Variants in STPG2 observed in about 807,000 individuals in gnomAD.
The protein encoded by STPG2 is sperm tail PG-rich repeat containing 2.
In STPG2, 56 loss-of-function variants were observed where a neutral mutation model predicts 54.2. The ratio of observed to expected loss-of-function variants is 1.03; its 90% CI spans 0.83 to 1.29. STPG2 has a LOEUF of 1.29. STPG2 is among the 50% of genes most tolerant of loss of function. STPG2 has a pLI of 0.00. For synonymous variants in STPG2, 200 were observed against 181.8 expected (o/e 1.10, Z -0.81); for missense variants, 596 against 544.9 (o/e 1.09, Z -0.93).
At chr4:97,661,700 CATATTA>C (rs1325735292) in intron 10 of STPG2, among the ~76,000 whole-genome samples, 1 of 149,726 alleles carries the variant, frequency 6.7e-6, no homozygotes, top group Non-Finnish European at 1.5e-5. Flanking sequence ...AAAGAAAAGT[CATATTA>C]ATAGGGGAGA....
chr4:97,724,562 T>C (rs1724558603), intron 9 of STPG2, among the ~76,000 whole-genome samples: 1 of 152,234 alleles, frequency 6.6e-6, no homozygotes, highest in South Asian at 2.1e-4. Context: ...TAAGTCATTC[T>C]CTATCCAGCA....
intron 4 of STPG2, among the ~76,000 whole-genome samples, chr4:97,456,798 A>C (rs1213653520): frequency 6.7e-6 from 1 of 148,726 alleles, no homozygotes; most frequent in East Asian, 2.0e-4. Flanking sequence ...CAGGAGGCTG[A>C]GGCAGGAGAA....
chr4:97,965,652 T>G lies in STPG2; in HGVS notation c.933+6628A>C, dbSNP rs185669861. Among the ~76,000 whole-genome samples, 227 of 152,276 alleles carry G rather than the reference T, an allele frequency of 1.5e-3. 2 individuals are homozygous for G. The highest frequency in any genetic ancestry group is 2.6e-3 in the Admixed American group (40 of 15,294). Reference sequence around the variant, plus strand: ...TGGGACGAAGCTTCCAGAAAAAGGATAAGGCAGCAATATTTGTTATTCTGC... The same window carrying G: ...TGGGACGAAGCTTCCAGAAAAAGGAGAAGGCAGCAATATTTGTTATTCTGC... On this transcript the variant is annotated intron_variant, in intron 7 of 10. Coordinates refer to ENST00000295268, the MANE Select transcript of STPG2 (RefSeq NM_174952.3).
chr4:97,559,144 G>C (rs1391802722), intron 10 of STPG2, 27 bp from the exon 11 acceptor site: 1 of 1,448,662 alleles, frequency 6.9e-7, no homozygotes, highest in Admixed American at 2.1e-5. Context: ...AGAAAAAAAG[G>C]AGGAAAACAT....
At chr4:97,719,407 G>A (rs1026336402) in intron 9 of STPG2, among the ~76,000 whole-genome samples, 1 of 151,900 alleles carries the variant, frequency 6.6e-6, no homozygotes, top group Non-Finnish European at 1.5e-5. Flanking sequence ...CCCAATTAGT[G>A]TAAAAATGAA....
intron 9 of STPG2, among the ~76,000 whole-genome samples, chr4:97,816,276 A>G (rs1225699937): frequency 1.3e-5 from 2 of 152,116 alleles, no homozygotes; most frequent in African/African-American, 4.8e-5. Context: ...TATCCAATCT[A>G]TCATTGATAG....
At chr4:97,678,070 A>G (rs1722908875) in intron 10 of STPG2, among the ~76,000 whole-genome samples, 1 of 152,116 alleles carries the variant, frequency 6.6e-6, no homozygotes, top group Non-Finnish European at 1.5e-5. Context: ...GTTAGTAATT[A>G]TATGTGTGAA....
At chr4:97,945,875 A>G (rs960505741) in intron 7 of STPG2, among the ~76,000 whole-genome samples, 1 of 152,112 alleles carries the variant, frequency 6.6e-6, no homozygotes, top group African/African-American at 2.4e-5. Flanking sequence ...CCTGAGCAAT[A>G]TGGTGAAACC....
At chr4:97,494,094 A>C (rs1283337362) in intron 4 of STPG2, among the ~76,000 whole-genome samples, 1 of 151,616 alleles carries the variant, frequency 6.6e-6, no homozygotes, top group East Asian at 1.9e-4. Context: ...TAGCAGAGAC[A>C]AGCTTATCTC....
intron 5 of STPG2, among the ~76,000 whole-genome samples, chr4:97,998,949 T>C (rs763283503): frequency 2.0e-5 from 3 of 152,214 alleles, no homozygotes; most frequent in Non-Finnish European, 4.4e-5. Flanking sequence ...CTGGCCTCTC[T>C]GAAACCCTAC....
intron 10 of STPG2, among the ~76,000 whole-genome samples, chr4:97,670,894 A>C (rs1019386243): frequency 6.6e-6 from 1 of 152,186 alleles, no homozygotes; most frequent in African/African-American, 2.4e-5. Flanking sequence ...TGTCACACTA[A>C]TGACTAAGGA....
intron 5 of STPG2, among the ~76,000 whole-genome samples, chr4:98,065,045 G>A (rs1316230424): frequency 6.6e-6 from 1 of 152,032 alleles, no homozygotes; most frequent in Non-Finnish European, 1.5e-5. Flanking sequence ...AACTACAAGT[G>A]CATGCCACTA....
At chr4:98,095,965 C>A (rs1738845406) in intron 5 of STPG2, among the ~76,000 whole-genome samples, 2 of 152,128 alleles carry the variant, frequency 1.3e-5, no homozygotes, top group Non-Finnish European at 2.9e-5. Flanking sequence ...CAAGTATTTT[C>A]TCTGACAACA....
chr4:97,655,064 A>C (rs879647279), intron 10 of STPG2, among the ~76,000 whole-genome samples: 9 of 152,060 alleles, frequency 5.9e-5, no homozygotes, highest in Admixed American at 5.2e-4. Flanking sequence ...TAGAATTATA[A>C]ATGATTTTCA....
At chr4:97,594,678 T>C (rs1733236296) in intron 10 of STPG2, among the ~76,000 whole-genome samples, 1 of 151,518 alleles carries the variant, frequency 6.6e-6, no homozygotes. Flanking sequence ...AAAATGACCA[T>C]CCCCAACACA....
intron 10 of STPG2, among the ~76,000 whole-genome samples, chr4:97,637,103 G>A (rs1045890728): frequency 9.9e-5 from 15 of 152,262 alleles, no homozygotes; most frequent in African/African-American, 3.6e-4. Context: ...ATAAAATACT[G>A]GCAAACCGAA....
At chr4:97,536,017 G>A (rs906185680) in intron 4 of STPG2, among the ~76,000 whole-genome samples, 54 of 152,118 alleles carry the variant, frequency 3.5e-4, no homozygotes, top group Non-Finnish European at 6.8e-4. Context: ...TCAGGCCAGA[G>A]TGCAGTGGTT....
intron 7 of STPG2, among the ~76,000 whole-genome samples, chr4:97,967,436 G>A (rs1487694094): frequency 6.6e-6 from 1 of 152,014 alleles, no homozygotes; most frequent in Non-Finnish European, 1.5e-5. Context: ...ACTGTCAATA[G>A]TAGACATATC....
intron 7 of STPG2, among the ~76,000 whole-genome samples, chr4:97,955,624 A>C (rs1234832983): frequency 2.0e-5 from 3 of 152,186 alleles, no homozygotes; most frequent in African/African-American, 7.2e-5. Context: ...AATACATAAA[A>C]GATAATAGCC....
Sources: gnomAD v4.1 joint callset for allele counts (sites outside exome capture counted in the v4.1 genomes callset) on GRCh38, gnomAD v4.1.1 for gene constraint, MANE v1.5 for transcripts, NCBI Gene and HGNC (gene_info 2026-07-23, HGNC 2026-07-21) for gene names.